MAD1L1: variants seen among roughly 807,000 people sequenced by gnomAD.
The protein encoded by MAD1L1 is mitotic spindle assembly checkpoint protein MAD1.
A neutral mutation model predicts 96.9 loss-of-function variants in MAD1L1; 95 were observed. The ratio of observed to expected loss-of-function variants is 0.98; its 90% CI spans 0.83 to 1.16. The LOEUF (loss-of-function observed/expected upper bound fraction) is 1.16. Ranked by LOEUF, MAD1L1 falls within the 50% of genes most tolerant of loss-of-function variation. The probability of loss-of-function intolerance (pLI) is 0.00; values close to 1 mark genes in which losing one functional copy is unlikely to be tolerated. For synonymous variants in MAD1L1, 473 were observed against 396.6 expected, an observed-to-expected ratio of 1.19 and a Z score of -2.29; for missense variants, 1,007 against 954.4, an observed-to-expected ratio of 1.06 and a Z score of -0.73.
At chr7:2,160,181 T>C (rs1246638853) in intron 10 of MAD1L1, among the ~76,000 whole-genome samples, 2 of 150,626 alleles carry the variant, frequency 1.3e-5, no homozygotes, top group Non-Finnish European at 2.9e-5. Flanking sequence ...CAGTGAGCTA[T>C]GATCGCGCAC....
At chr7:2,127,095 C>T (rs10235698) in intron 11 of MAD1L1, among the ~76,000 whole-genome samples, 60 of 152,288 alleles carry the variant, frequency 3.9e-4, no homozygotes, top group African/African-American at 1.3e-3. Flanking sequence ...CTGGAGGGGG[C>T]CTCTCAGTGA....
chr7:2,122,880 C>T (rs1194244683), intron 11 of MAD1L1, among the ~76,000 whole-genome samples: 1 of 152,208 alleles, frequency 6.6e-6, no homozygotes, highest in Non-Finnish European at 1.5e-5. Flanking sequence ...TGGTGACGGC[C>T]GCCGTCCACC....
Position 1,816,086 on chromosome 7 carries a change from C to A in MAD1L1, c.2141G>T (p.Arg714Leu). Residue 714 changes from arginine to leucine, a missense_variant, in exon 19 of 19, where the codon CGC (arginine) becomes CTC (leucine). Arg to Leu is a moderately radical substitution (Grantham distance 102, BLOSUM62 -2). Coordinates refer to ENST00000265854, the MANE Select transcript of MAD1L1 (RefSeq NM_001013836.2). ...GCCTGCAGGCTACGCCACGGTCTGGCGGCTGAAGAGCTCGAGGGTGAGCGA... is the reference window on the plus strand; with the variant it reads ...GCCTGCAGGCTACGCCACGGTCTGGAGGCTGAAGAGCTCGAGGGTGAGCGA... ...LSSLTLELFS[R>L]QTVA The A allele has an allele frequency of 1.2e-6, 2 of 1,611,054 alleles. No individual in the cohort carries two copies. The highest frequency in any genetic ancestry group is 2.2e-5 in the South Asian group (2 of 90,886).
chr7:1,834,927 T>C (rs1782872557), intron 18 of MAD1L1, among the ~76,000 whole-genome samples: 1 of 152,072 alleles, frequency 6.6e-6, no homozygotes, highest in African/African-American at 2.4e-5. Flanking sequence ...CGGTTAGCAA[T>C]TCACATCCAA....
At chr7:2,135,756 CGT>C (rs1236345218) in intron 11 of MAD1L1, among the ~76,000 whole-genome samples, 4 of 152,186 alleles carry the variant, frequency 2.6e-5, no homozygotes, top group Admixed American at 2.0e-4. Flanking sequence ...CTCATGGTGA[CGT>C]GTGTGCACAT....
At chr7:1,887,811 G>A (rs1016607126) in intron 18 of MAD1L1, among the ~76,000 whole-genome samples, 5 of 76,884 alleles carry the variant, frequency 6.5e-5, no homozygotes, top group Non-Finnish European at 9.7e-5. Flanking sequence ...GGCTGCCTGT[G>A]TGTGTGTGCA....
intron 15 of MAD1L1, among the ~76,000 whole-genome samples, chr7:1,975,077 G>A (rs1007622601): frequency 6.6e-6 from 1 of 152,246 alleles, no homozygotes; most frequent in African/African-American, 2.4e-5. Flanking sequence ...AGCTCTGGTG[G>A]TCACGGGCCT....
At chr7:1,926,692 T>A (rs975777613) in intron 17 of MAD1L1, among the ~76,000 whole-genome samples, 5 of 152,204 alleles carry the variant, frequency 3.3e-5, no homozygotes, top group African/African-American at 1.2e-4. Flanking sequence ...TCCTACATGA[T>A]AAACACTCTC....
chr7:2,230,221 G>A (rs544943274), intron 2 of MAD1L1, 78 bp from the exon 3 acceptor site: 2 of 1,199,390 alleles, frequency 1.7e-6, no homozygotes, highest in South Asian at 2.9e-5. Context: ...AGAGCCTCTG[G>A]ACAGCCCCAC....
intron 10 of MAD1L1, among the ~76,000 whole-genome samples, chr7:2,169,347 G>A (rs1790594866): frequency 6.6e-6 from 1 of 152,076 alleles, no homozygotes; most frequent in African/African-American, 2.4e-5. Context: ...TCCCTACTTT[G>A]TAAAGAACAT....
rs1010551905 is a variant in MAD1L1 at position 2,146,988 on chromosome 7, C to T, written c.1073+2164G>A. On this transcript the variant is annotated intron_variant, in intron 11 of 18. Transcript: ENST00000265854. This position sits in a 1 kb window ranked among gnomAD's most constrained non-coding sequence, Gnocchi z 6.2. ...CCAGCGCTGCCTGTCCTAGGGTCTG[C>T]CTCCTTCCTGGGCCTTGGAAGTGCA... Among the ~76,000 whole-genome samples the T allele has an allele frequency of 5.9e-5, 9 of 152,184 alleles. No individual in the cohort carries two copies. The highest frequency in any genetic ancestry group is 2.2e-4 in the African/African-American group (9 of 41,434).
intron 17 of MAD1L1, among the ~76,000 whole-genome samples, chr7:1,919,190 A>C (rs976551706): frequency 2.6e-5 from 4 of 152,240 alleles, no homozygotes; most frequent in African/African-American, 9.6e-5. Flanking sequence ...CGTTTCTCAA[A>C]TGGGGAAGCT....
At chr7:2,212,015 C>T (rs1198642606) in intron 10 of MAD1L1, among the ~76,000 whole-genome samples, 1 of 152,212 alleles carries the variant, frequency 6.6e-6, no homozygotes, top group Non-Finnish European at 1.5e-5. Flanking sequence ...TCAAAAGCAT[C>T]GCTCCTGCAC....
At chr7:1,899,268 T>G (rs1421851158) in intron 17 of MAD1L1, among the ~76,000 whole-genome samples, 1 of 152,156 alleles carries the variant, frequency 6.6e-6, no homozygotes, top group Non-Finnish European at 1.5e-5. Flanking sequence ...TATCCCCGCG[T>G]TAATTATCAG....
intron 10 of MAD1L1, among the ~76,000 whole-genome samples, chr7:2,191,126 C>A (rs1359846718): frequency 6.6e-6 from 1 of 152,228 alleles, no homozygotes; most frequent in Non-Finnish European, 1.5e-5. Context: ...TGAATGAATG[C>A]TTTTCAGAAA....
intron 17 of MAD1L1, among the ~76,000 whole-genome samples, chr7:1,925,312 C>T (rs1789026781): frequency 2.0e-5 from 3 of 152,180 alleles, no homozygotes; most frequent in Admixed American, 6.5e-5. Context: ...GGGAGAGACA[C>T]TTTGAAATTA....
In MAD1L1 at chr7:1,873,486, T is replaced by A. The variant is rs1005434550; in HGVS notation, c.1998+24714A>T. On this transcript the variant is annotated intron_variant, in intron 18 of 18. Transcript: ENST00000265854. ...GTGGGGAGCCCTGGTGGAGAGCTAGTAGGAGCACGGCACGGCCGGGGCTGG... is the reference window on the plus strand; with the variant it reads ...GTGGGGAGCCCTGGTGGAGAGCTAGAAGGAGCACGGCACGGCCGGGGCTGG... 2.7e-5 allele frequency among the ~76,000 whole-genome samples: 4 copies of A among 150,254 alleles called. No individual in the cohort carries two copies. In the East Asian group the frequency reaches 7.9e-4, roughly 30 times the overall value.
chr7:2,042,329 GGACACACGCACA>G, intron 12 of MAD1L1, among the ~76,000 whole-genome samples: 1 of 151,830 alleles, frequency 6.6e-6, no homozygotes, highest in Non-Finnish European at 1.5e-5. Flanking sequence ...ACAGGCACAC[GGACACACGCACA>G]GACACACACA....
chr7:2,209,714 T>A (rs1051230809), intron 10 of MAD1L1, among the ~76,000 whole-genome samples: 8 of 151,840 alleles, frequency 5.3e-5, no homozygotes, highest in African/African-American at 1.9e-4. Flanking sequence ...AAGCCCCAAA[T>A]CCCAGCAAAG....
Sources: allele counts gnomAD v4.1 joint callset (sites outside exome capture counted in the v4.1 genomes callset), GRCh38; gene constraint gnomAD v4.1.1; non-coding constraint Gnocchi (gnomAD v3.1); transcripts MANE v1.5; gene names NCBI Gene and HGNC (gene_info 2026-07-23, HGNC 2026-07-21).